Variants in RPLP2 observed in about 807,000 individuals in gnomAD.
RPLP2 encodes large ribosomal subunit protein P2.
In RPLP2, 1 loss-of-function variant was observed where a neutral mutation model predicts 11.5. That is an observed-to-expected ratio of 0.09 (90% CI 0.03 to 0.41). The LOEUF is 0.41. Ranked by LOEUF, RPLP2 falls within the 10% of genes least tolerant of loss-of-function variation. RPLP2 has a pLI of 0.98. For missense variants in RPLP2, 177 were observed against 145.6 expected (o/e 1.22, Z -1.11); for synonymous variants, 82 against 55.9 (o/e 1.47, Z -2.08).
chr11:812,700 C>T, intron 4 of RPLP2, 60 bp from the exon 5 acceptor site: 1 of 1,612,976 alleles, frequency 6.2e-7, no homozygotes, highest in South Asian at 1.1e-5. Context: ...GTGGGGTCTT[C>T]ATGGGGGGAC....
chr11:812,152 G>T (rs534245034), intron 3 of RPLP2: 8 of 383,770 alleles, frequency 2.1e-5, no homozygotes, highest in South Asian at 1.6e-4. Context: ...CCACGACAGG[G>T]CCAGCTCAGC....
chr11:812,702 T>TG, intron 4 of RPLP2, 58 bp from the exon 5 acceptor site: 1 of 1,612,892 alleles, frequency 6.2e-7, no homozygotes, highest in African/African-American at 1.3e-5. Flanking sequence ...GGGGTCTTCA[T>TG]GGGGGGACTG....
At chr11:811,306 A>G (rs1046450351) in intron 2 of RPLP2, 6 of 475,236 alleles carry the variant, frequency 1.3e-5, no homozygotes, top group Admixed American at 3.5e-5. Flanking sequence ...GTCAAAGTCA[A>G]TTTCATTGCC....
intron 3 of RPLP2, 159 bp from the exon 4 acceptor site, chr11:812,376 C>G: frequency 1.1e-6 from 1 of 907,982 alleles, no homozygotes; most frequent in Middle Eastern, 3.4e-4. Flanking sequence ...TGAGGAGTGG[C>G]TCAGGGAGGG....
chr11:810,689 A>T (rs1365033866), intron 2 of RPLP2, among the ~76,000 whole-genome samples: 2 of 151,186 alleles, frequency 1.3e-5, no homozygotes, highest in Non-Finnish European at 2.9e-5. Flanking sequence ...CCTACTTGGG[A>T]GGCTGAGGCA....
At chr11:811,576 C>T (rs1866063240) in intron 2 of RPLP2, 21 bp from the exon 3 acceptor site, 1 of 1,614,106 alleles carries the variant, frequency 6.2e-7, no homozygotes, top group South Asian at 1.1e-5. Context: ...CTGGTAACAG[C>T]CCTGTGATTG....
intron 3 of RPLP2, 48 bp downstream of exon 3, chr11:811,693 AT>A: frequency 6.2e-7 from 1 of 1,612,224 alleles, no homozygotes; most frequent in Non-Finnish European, 8.5e-7. Context: ...GTCCATCCTA[AT>A]CCCTGCCGGT....
chr11:811,502 T>G, intron 2 of RPLP2, 95 bp from the exon 3 acceptor site: 1 of 1,492,510 alleles, frequency 6.7e-7, no homozygotes, highest in Non-Finnish European at 9.3e-7. Context: ...CCTATTCCCA[T>G]GTGGGGAACC....
chr11:811,198 G>T (rs1382158345), intron 2 of RPLP2, among the ~76,000 whole-genome samples: 3 of 152,028 alleles, frequency 2.0e-5, no homozygotes, highest in African/African-American at 4.8e-5. Flanking sequence ...GCCAGGCTTG[G>T]TTGCTCATGC....
intron 2 of RPLP2, 155 bp downstream of exon 2, chr11:810,512 G>A (rs551968729): frequency 8.9e-6 from 6 of 674,240 alleles, no homozygotes; most frequent in African/African-American, 1.9e-5. Flanking sequence ...GCCGGGCGGA[G>A]GTCGGGCGCG....
intron 3 of RPLP2, 148 bp from the exon 4 acceptor site, chr11:812,387 A>G: frequency 2.0e-6 from 2 of 981,216 alleles, no homozygotes; most frequent in African/African-American, 1.6e-5. Context: ...TCAGGGAGGG[A>G]GTGTTCAGGA....
intron 3 of RPLP2, 115 bp from the exon 4 acceptor site, chr11:812,419 TG>T (rs1866090965): frequency 3.0e-6 from 4 of 1,355,402 alleles, no homozygotes; most frequent in Non-Finnish European, 4.1e-6. Flanking sequence ...CACTGGCATA[TG>T]GTGGGTCCAG....
chr11:812,283 G>A, intron 3 of RPLP2: 2 of 549,358 alleles, frequency 3.6e-6, no homozygotes, highest in Non-Finnish European at 6.6e-6. Flanking sequence ...TGGAGGTGGG[G>A]AAATTGGGCA....
chr11:812,608 T>C lies in RPLP2; in HGVS notation c.246T>C (p.Pro82=), dbSNP rs759134788. ...AVSAAPGSAA[P]AAGSAPAAAE... ...CTGCTGCCCCAGGCTCTGCAGCCCC[T>C]GCTGCTGGTTCTGCCCCTGCTGCAG... Residue 82 remains proline (P), a synonymous_variant, in exon 4 of 5, where the codon CCT becomes CCC. Transcript: ENST00000321153. 1.4e-5 allele frequency: 23 copies of C among 1,609,498 alleles called. No homozygotes were observed. The highest frequency in any genetic ancestry group is 1.9e-5 in the Non-Finnish European group (22 of 1,179,742).
intron 2 of RPLP2, 190 bp downstream of exon 2, chr11:810,547 A>G: frequency 2.1e-6 from 1 of 476,390 alleles, no homozygotes; most frequent in Non-Finnish European, 3.7e-6. Context: ...TAGTCCCAGT[A>G]CTTTGGGAGG....
intron 3 of RPLP2, chr11:811,963 T>G (rs1191035488): frequency 8.9e-6 from 5 of 560,984 alleles, no homozygotes; most frequent in Non-Finnish European, 1.6e-5. Context: ...ACGTCAGCAG[T>G]CCTTACCACA....
chr11:810,779 C>T (rs1185364275), intron 2 of RPLP2, among the ~76,000 whole-genome samples: 1 of 139,990 alleles, frequency 7.1e-6, no homozygotes, highest in African/African-American at 2.7e-5. Context: ...GAAGGAGACC[C>T]TGTCTCAAAA....
At chr11:811,680 A>G (rs1181057024) in intron 3 of RPLP2, 35 bp downstream of exon 3, 18 of 1,613,934 alleles carry the variant, frequency 1.1e-5, no homozygotes, top group African/African-American at 4.0e-5. Context: ...GTTTGTTTTC[A>G]TGGTCCATCC....
At position 811,944 on chromosome 11, in the gene RPLP2, A is replaced by T. The variant is rs1181503323; in HGVS notation, c.172+299A>T. 4.8e-6 allele frequency: 3 copies of T among 622,244 alleles called. No homozygotes were observed. In the African/African-American group the frequency reaches 5.4e-5, roughly 11 times the overall value. The allele number at this position is 622,244 out of a possible 1,614,324, so 38.5% of individuals were successfully genotyped here. A position where few individuals can be genotyped will look rare whatever the true frequency, so the allele number is the denominator to read the frequency against. ...TTGTCTGAAGCTTGGTGTCTGGAGA[A>T]CTGAGTTCACGTCAGCAGTCCTTAC... is the stretch of plus-strand genomic sequence containing the variant. On this transcript the variant is annotated intron_variant, in intron 3 of 4. Transcript: ENST00000321153.
Sources: gnomAD v4.1 joint callset for allele counts (sites outside exome capture counted in the v4.1 genomes callset) on GRCh38, gnomAD v4.1.1 for gene constraint, MANE v1.5 for transcripts, NCBI Gene and HGNC (gene_info 2026-07-23, HGNC 2026-07-21) for gene names.